Variants in EVI5 observed in about 807,000 individuals in gnomAD.
EVI5 encodes ecotropic viral integration site 5 protein homolog.
In EVI5, 73 loss-of-function variants were observed where a neutral mutation model predicts 112.0. That is an observed-to-expected ratio of 0.65 (90% CI 0.54 to 0.79). The LOEUF (loss-of-function observed/expected upper bound fraction) is 0.79. EVI5 is among the 30% of genes least tolerant of loss of function. The pLI, the probability that EVI5 is intolerant of heterozygous loss-of-function variation, is 0.00. For synonymous variants in EVI5, 305 were observed against 319.9 expected (o/e 0.95, Z 0.50); for missense variants, 900 against 968.8 (o/e 0.93, Z 0.94).
intron 18 of EVI5, among the ~76,000 whole-genome samples, chr1:92,592,180 T>C (rs1328668139): frequency 1.3e-5 from 2 of 152,098 alleles, no homozygotes; most frequent in Non-Finnish European, 2.9e-5. Context: ...GAGGCAGAGC[T>C]TGCAGTGAGC....
intron 1 of EVI5, among the ~76,000 whole-genome samples, chr1:92,791,532 T>C (rs1686089700): frequency 1.3e-5 from 2 of 152,050 alleles, no homozygotes; most frequent in South Asian, 4.2e-4. Flanking sequence ...AAAAGACAAA[T>C]AAAAAAGACT....
At chr1:92,596,178 G>A (rs1196366776) in intron 18 of EVI5, among the ~76,000 whole-genome samples, 3 of 151,956 alleles carry the variant, frequency 2.0e-5, no homozygotes, top group Non-Finnish European at 2.9e-5. Context: ...GGAACATGGC[G>A]AAACCCCACC....
intron 9 of EVI5, among the ~76,000 whole-genome samples, chr1:92,687,284 T>C (rs1317091248): frequency 6.6e-6 from 1 of 152,106 alleles, no homozygotes; most frequent in African/African-American, 2.4e-5. Context: ...AAACAAAAAA[T>C]GGGAAAAAGA....
At chr1:92,788,309 A>G (rs770025313), upstream of EVI5, among the ~76,000 whole-genome samples, 1 of 151,670 alleles carries the variant, frequency 6.6e-6, no homozygotes, top group Non-Finnish European at 1.5e-5. Flanking sequence ...ATCTCTACTG[A>G]AATACAAAAA....
intron 9 of EVI5, among the ~76,000 whole-genome samples, chr1:92,691,301 A>T (rs1669464369): frequency 6.6e-6 from 1 of 152,190 alleles, no homozygotes; most frequent in Non-Finnish European, 1.5e-5. Context: ...TAAAGAGTGA[A>T]GTGTCACAAT....
At chr1:92,569,720 G>T (rs1038953856) in intron 18 of EVI5, among the ~76,000 whole-genome samples, 1 of 151,794 alleles carries the variant, frequency 6.6e-6, no homozygotes, top group Admixed American at 6.6e-5. Flanking sequence ...CAGGCATGGT[G>T]GCAGGCGCCT....
intron 2 of EVI5, among the ~76,000 whole-genome samples, chr1:92,718,840 T>TGC (rs1363705481): frequency 6.6e-6 from 1 of 151,670 alleles, no homozygotes; most frequent in African/African-American, 2.4e-5. Flanking sequence ...CAAATAGACA[T>TGC]AATAAAAAAA....
At chr1:92,745,558 A>C (rs1432471756) in intron 1 of EVI5, among the ~76,000 whole-genome samples, 3 of 152,198 alleles carry the variant, frequency 2.0e-5, no homozygotes, top group Non-Finnish European at 4.4e-5. Context: ...TCAGGCCTAT[A>C]ATCCCAACAC....
chr1:92,542,969 G>A (rs1300388292), intron 19 of EVI5, among the ~76,000 whole-genome samples: 1 of 152,140 alleles, frequency 6.6e-6, no homozygotes, highest in Non-Finnish European at 1.5e-5. Flanking sequence ...ACAGAGCACA[G>A]GCAAAGTAGA....
chr1:92,510,362 T>A lies in EVI5; in HGVS notation c.*3294A>T, dbSNP rs200060382. ...CTGGAGTTCTTTCCTTTCTTTCTCC[T>A]TCTCCAAAGATACAGATATCTTTCT... is the stretch of plus-strand genomic sequence containing the variant. On this transcript the variant is annotated 3_prime_UTR_variant, in exon 20 of 20. Transcript: ENST00000684568. The A allele has an allele frequency of 1.3e-5, 2 of 152,228 alleles. No homozygotes were observed. The highest frequency in any genetic ancestry group is 2.9e-5 in the Non-Finnish European group (2 of 68,050). 9.4% of individuals were successfully genotyped at this position (152,228 alleles called of 1,614,324 possible).
intron 18 of EVI5, among the ~76,000 whole-genome samples, chr1:92,567,548 C>T (rs908221920): frequency 2.0e-5 from 3 of 152,016 alleles, no homozygotes; most frequent in Non-Finnish European, 2.9e-5. Context: ...GTGTTACAAC[C>T]GCCTACAGTA....
chr1:92,537,791 A>G (rs1664137081), intron 19 of EVI5, among the ~76,000 whole-genome samples: 1 of 151,832 alleles, frequency 6.6e-6, no homozygotes, highest in East Asian at 1.9e-4. Context: ...ACTTAAAAAA[A>G]AAAAACTAAA....
At chr1:92,779,988 AC>A (rs1293293213) in intron 1 of EVI5, among the ~76,000 whole-genome samples, 2 of 152,216 alleles carry the variant, frequency 1.3e-5, no homozygotes. Context: ...ACCTGGTGAT[AC>A]GATTTGGCTC....
At chr1:92,582,915 C>A (rs1158561931) in intron 18 of EVI5, among the ~76,000 whole-genome samples, 1 of 152,112 alleles carries the variant, frequency 6.6e-6, no homozygotes, top group Non-Finnish European at 1.5e-5. Context: ...AATATTTCAA[C>A]AGTTTTGACA....
Position 92,513,606 on chromosome 1 carries a change from T to C in EVI5, c.*50A>G, listed in dbSNP as rs200737372. 2 of 1,180,542 alleles carry C rather than the reference T, an allele frequency of 1.7e-6. No individual in the cohort carries two copies. The highest frequency in any genetic ancestry group is 2.4e-5 in the East Asian group (1 of 40,956). The allele number at this position is 1,180,542 out of a possible 1,614,324, so 73.1% of individuals were successfully genotyped here. ...AATTATTTCCAAAAAGCCCTAATCATATGATAACTGATCCCTTAAATAAAT... is the reference window on the plus strand; with the variant it reads ...AATTATTTCCAAAAAGCCCTAATCACATGATAACTGATCCCTTAAATAAAT... On this transcript the variant is annotated 3_prime_UTR_variant, in exon 20 of 20. Transcript: ENST00000684568.
chr1:92,626,648 A>G (rs1189430825), intron 14 of EVI5, among the ~76,000 whole-genome samples: 2 of 152,192 alleles, frequency 1.3e-5, no homozygotes, highest in South Asian at 4.1e-4. Context: ...CTAGCAATGT[A>G]TGAGGGGAAC....
At position 92,545,227 on chromosome 1, in the gene EVI5, A is replaced by T. The variant is rs191948763; in HGVS notation, c.2166+18415T>A. Among the ~76,000 whole-genome samples the T allele has an allele frequency of 3.6e-3, 548 of 152,266 alleles. 2 individuals carry two copies. The highest frequency in any genetic ancestry group is 0.013 in the African/African-American group (533 of 41,540). Reference sequence around the variant, plus strand: ...GTCAATACTGTTATTGTTTATTTTTAAAAATAACATTATTAATTAATTTTT... The same window carrying T: ...GTCAATACTGTTATTGTTTATTTTTTAAAATAACATTATTAATTAATTTTT... On this transcript the variant is annotated intron_variant, in intron 19 of 19. Transcript: ENST00000684568.
At chr1:92,548,107 T>C (rs1666093704) in intron 19 of EVI5, among the ~76,000 whole-genome samples, 1 of 152,198 alleles carries the variant, frequency 6.6e-6, no homozygotes, top group African/African-American at 2.4e-5. Context: ...AATAAAATAC[T>C]GGCAAACCAA....
At chr1:92,735,655 T>C (rs61494525) in intron 2 of EVI5, among the ~76,000 whole-genome samples, 127,384 of 142,084 alleles carry the variant, frequency 0.9, 57,166 homozygotes, top group East Asian at 0.97. Flanking sequence ...TATATATAAT[T>C]ATATAATTCA....
Sources: allele counts gnomAD v4.1 joint callset (sites outside exome capture counted in the v4.1 genomes callset), GRCh38; gene constraint gnomAD v4.1.1; transcripts MANE v1.5; gene names NCBI Gene and HGNC (gene_info 2026-07-23, HGNC 2026-07-21).